Variants in RALGPS2 observed in about 807,000 individuals in gnomAD.
RALGPS2 encodes ras-specific guanine nucleotide-releasing factor RalGPS2.
In RALGPS2, 43 loss-of-function variants were observed where a neutral mutation model predicts 86.8. The observed-to-expected ratio is 0.50, with a 90% CI of 0.39 to 0.64. The LOEUF (loss-of-function observed/expected upper bound fraction) is 0.64, where lower values mean the gene tolerates loss of function less well. RALGPS2 is among the 30% of genes least tolerant of loss of function. The pLI is 0.00. For missense variants in RALGPS2, 536 were observed against 694.6 expected, an observed-to-expected ratio of 0.77 and a Z score of 2.57; for synonymous variants, 243 against 231.3, an observed-to-expected ratio of 1.05 and a Z score of -0.46.
intron 19 of RALGPS2, among the ~76,000 whole-genome samples, chr1:178,916,058 C>A (rs1343781657): frequency 6.6e-6 from 1 of 152,132 alleles, no homozygotes; most frequent in Admixed American, 6.5e-5. Flanking sequence ...CTACTGAGCC[C>A]CCTGTGTTAG....
chr1:178,815,003 GT>G (rs1445759055), intron 6 of RALGPS2, among the ~76,000 whole-genome samples: 3 of 152,122 alleles, frequency 2.0e-5, no homozygotes, highest in Non-Finnish European at 4.4e-5. Context: ...TGAAAGGTCT[GT>G]TTAAGATCTT....
chr1:178,835,895 A>G (rs1159834593), intron 8 of RALGPS2, among the ~76,000 whole-genome samples: 1 of 152,200 alleles, frequency 6.6e-6, no homozygotes, highest in Non-Finnish European at 1.5e-5. Flanking sequence ...TCTCATTGAA[A>G]TATGTTTTTC....
intron 13 of RALGPS2, among the ~76,000 whole-genome samples, chr1:178,886,546 C>T (rs1361446060): frequency 1.3e-5 from 2 of 152,110 alleles, no homozygotes; most frequent in East Asian, 3.8e-4. Flanking sequence ...GTGTTTTGGA[C>T]ATGTTTAGTC....
intron 17 of RALGPS2, among the ~76,000 whole-genome samples, chr1:178,899,405 G>C (rs1419402204): frequency 4.0e-5 from 6 of 151,632 alleles, no homozygotes; most frequent in African/African-American, 1.5e-4. Flanking sequence ...TGAAGAACAG[G>C]ATAGAGGGTA....
intron 1 of RALGPS2, among the ~76,000 whole-genome samples, chr1:178,755,588 A>G (rs1231520486): frequency 6.6e-6 from 1 of 152,142 alleles, no homozygotes; most frequent in Non-Finnish European, 1.5e-5. Flanking sequence ...CCAGTCCACC[A>G]TTGTTGGGTA....
intron 1 of RALGPS2, among the ~76,000 whole-genome samples, chr1:178,768,430 G>A (rs558677240): frequency 1.3e-5 from 2 of 152,164 alleles, no homozygotes; most frequent in Non-Finnish European, 2.9e-5. Flanking sequence ...AGAATGCTGG[G>A]TAGGGTCTTT....
chr1:178,770,838 G>GTTT (rs1276426119), intron 1 of RALGPS2, among the ~76,000 whole-genome samples: 36 of 109,528 alleles, frequency 3.3e-4, no homozygotes, highest in East Asian at 5.4e-4. Context: ...TGTTGTTGTT[G>GTTT]TTTTTTTTTT....
At chr1:178,736,525 C>T (rs1197685306) in intron 1 of RALGPS2, among the ~76,000 whole-genome samples, 2 of 152,174 alleles carry the variant, frequency 1.3e-5, no homozygotes, top group Non-Finnish European at 2.9e-5. Flanking sequence ...TATTATACTA[C>T]TTTCTCCAAT....
chr1:178,736,399 T>C (rs1227633499), intron 1 of RALGPS2, among the ~76,000 whole-genome samples: 2 of 152,124 alleles, frequency 1.3e-5, no homozygotes, highest in African/African-American at 4.8e-5. Flanking sequence ...TGACCTCAAG[T>C]GATCCAGCCA....
At chr1:178,876,497 T>G (rs76949893) in intron 8 of RALGPS2, among the ~76,000 whole-genome samples, 3,722 of 152,186 alleles carry the variant, frequency 0.024, 148 homozygotes, top group African/African-American at 0.085. Flanking sequence ...CTAGAGAATA[T>G]TGACACCGAA....
chr1:178,797,974 C>A (rs1023022211), intron 4 of RALGPS2, among the ~76,000 whole-genome samples: 1 of 119,406 alleles, frequency 8.4e-6, no homozygotes. Flanking sequence ...TTGAAGATTT[C>A]CAACAATTTG....
intron 4 of RALGPS2, among the ~76,000 whole-genome samples, chr1:178,791,862 T>C (rs986591398): frequency 1.3e-5 from 2 of 152,222 alleles, no homozygotes; most frequent in Non-Finnish European, 2.9e-5. Context: ...ATGTCTGTTG[T>C]ACTATATATC....
At chr1:178,771,093 C>T (rs1043642823) in intron 1 of RALGPS2, among the ~76,000 whole-genome samples, 18 of 152,052 alleles carry the variant, frequency 1.2e-4, no homozygotes, top group Admixed American at 1.2e-3. Flanking sequence ...CCTGCCTCGG[C>T]CTCCCAAAGT....
At position 178,900,781 on chromosome 1, in the gene RALGPS2, G is replaced by T. The variant is rs114720224; in HGVS notation, c.1525-1325G>T. Among the ~76,000 whole-genome samples the T allele has an allele frequency of 3.3e-3, 495 of 152,076 alleles. 5 individuals carry two copies. The highest frequency in any genetic ancestry group is 0.011 in the African/African-American group (444 of 41,510). On this transcript the variant is annotated intron_variant, in intron 17 of 19. Coordinates refer to ENST00000367635, the MANE Select transcript of RALGPS2 (RefSeq NM_152663.5). The stretch of plus-strand genomic sequence containing the variant: ...TAATAAATGCATAGAATAAGGTCTG[G>T]AGGTTGTCACCTCAAGTGATGATTA...
intron 1 of RALGPS2, chr1:178,747,795 C>T (rs572753544): frequency 3.7e-5 from 27 of 723,648 alleles, no homozygotes; most frequent in Admixed American, 2.1e-4. Context: ...CCTGTGCCAG[C>T]GGAGACGCTC....
intron 4 of RALGPS2, among the ~76,000 whole-genome samples, chr1:178,806,116 T>C (rs1654728436): frequency 6.6e-6 from 1 of 152,058 alleles, no homozygotes; most frequent in Non-Finnish European, 1.5e-5. Context: ...GGCTTTTCAG[T>C]TTCCTGGGTC....
intron 7 of RALGPS2, among the ~76,000 whole-genome samples, chr1:178,829,583 C>T (rs555341044): frequency 5.9e-5 from 9 of 152,086 alleles, no homozygotes; most frequent in East Asian, 3.9e-4. Flanking sequence ...GAAAAATTGT[C>T]GCTGGTGCCA....
intron 7 of RALGPS2, among the ~76,000 whole-genome samples, chr1:178,831,611 GT>G (rs1370209215): frequency 6.6e-6 from 1 of 150,892 alleles, no homozygotes; most frequent in Non-Finnish European, 1.5e-5. Flanking sequence ...ACACTGTGAA[GT>G]ATTTTGTCCG....
intron 10 of RALGPS2, among the ~76,000 whole-genome samples, chr1:178,882,048 T>C (rs974218691): frequency 2.0e-5 from 3 of 152,210 alleles, no homozygotes; most frequent in Non-Finnish European, 4.4e-5. Context: ...ACTGAACATA[T>C]CTGTTCTTAA....
Sources: allele counts gnomAD v4.1 joint callset (sites outside exome capture counted in the v4.1 genomes callset), GRCh38; gene constraint gnomAD v4.1.1; transcripts MANE v1.5; gene names NCBI Gene and HGNC (gene_info 2026-07-23, HGNC 2026-07-21).